The following FHIT variants were observed in gnomAD, a reference collection of about 807,000 sequenced individuals.
The protein encoded by FHIT is fragile histidine triad diadenosine triphosphatase.
In FHIT, 19 loss-of-function variants were observed where a neutral mutation model predicts 17.9. The ratio of observed to expected loss-of-function variants is 1.06; its 90% CI spans 0.74 to 1.56. The LOEUF (loss-of-function observed/expected upper bound fraction) is 1.56, where lower values mean the gene tolerates loss of function less well. Among genes scored for constraint, FHIT ranks in the 40% most tolerant of loss-of-function variants. The pLI is 0.00. For synonymous variants in FHIT, 81 were observed against 69.7 expected (o/e 1.16, Z -0.81); for missense variants, 248 against 189.2 (o/e 1.31, Z -1.82).
At chr3:60,797,800 T>A (rs1405953839) in intron 4 of FHIT, among the ~76,000 whole-genome samples, 1 of 151,738 alleles carries the variant, frequency 6.6e-6, no homozygotes, top group South Asian at 2.1e-4. Flanking sequence ...CCAGCTACAT[T>A]GAAATGTTTG....
At chr3:60,287,394 C>CCTGGCCTCAGGTGACCTG (rs1707775770) in intron 5 of FHIT, among the ~76,000 whole-genome samples, 1 of 152,168 alleles carries the variant, frequency 6.6e-6, no homozygotes, top group South Asian at 2.1e-4. Flanking sequence ...GTCTCAAACT[C>CCTGGCCTCAGGTGACCTG]CTGGCCTCAG....
chr3:59,873,416 C>A (rs899654650), intron 8 of FHIT, among the ~76,000 whole-genome samples: 3 of 152,214 alleles, frequency 2.0e-5, no homozygotes, highest in African/African-American at 7.2e-5. Flanking sequence ...CTTCCCTGCT[C>A]ATGAGCCTTG....
At chr3:61,213,555 T>TG (rs2039562113) in intron 1 of FHIT, among the ~76,000 whole-genome samples, 1 of 152,202 alleles carries the variant, frequency 6.6e-6, no homozygotes, top group Non-Finnish European at 1.5e-5. Context: ...ACAATAAGAA[T>TG]GGGAGACTTT....
At chr3:60,848,998 T>G (rs1703035022) in intron 3 of FHIT, among the ~76,000 whole-genome samples, 1 of 152,142 alleles carries the variant, frequency 6.6e-6, no homozygotes, top group Non-Finnish European at 1.5e-5. Flanking sequence ...GGATATAACA[T>G]TATGAGCCTC....
chr3:60,583,008 T>C (rs544047471), intron 4 of FHIT, among the ~76,000 whole-genome samples: 10 of 151,920 alleles, frequency 6.6e-5, no homozygotes, highest in Non-Finnish European at 1.0e-4. Flanking sequence ...GATACCGCTT[T>C]ACTGCTTGAG....
intron 4 of FHIT, among the ~76,000 whole-genome samples, chr3:60,817,523 T>C (rs77959835): frequency 6.7e-5 from 10 of 148,350 alleles, no homozygotes; most frequent in African/African-American, 2.5e-4. Context: ...AGTGTTTTGC[T>C]TTTTTTTTTA....
At chr3:60,950,171 T>C (rs1014789641) in intron 3 of FHIT, among the ~76,000 whole-genome samples, 1 of 152,218 alleles carries the variant, frequency 6.6e-6, no homozygotes, top group African/African-American at 2.4e-5. Flanking sequence ...GAGTATGAAA[T>C]TGTCTAATGA....
At chr3:60,683,861 T>A (rs919836237) in intron 4 of FHIT, among the ~76,000 whole-genome samples, 2 of 152,190 alleles carry the variant, frequency 1.3e-5, no homozygotes. Context: ...GGGTAATACA[T>A]CTGATCATCA....
chr3:61,220,362 G>T (rs1247524700), intron 1 of FHIT, among the ~76,000 whole-genome samples: 1 of 152,176 alleles, frequency 6.6e-6, no homozygotes, highest in African/African-American at 2.4e-5. Context: ...AATTATTTAA[G>T]AATCTGCATA....
At chr3:59,774,105 C>A (rs1702195858) in intron 8 of FHIT, among the ~76,000 whole-genome samples, 1 of 152,138 alleles carries the variant, frequency 6.6e-6, no homozygotes, top group Non-Finnish European at 1.5e-5. Context: ...GGCTGCCCTA[C>A]AGCGTGAGAT....
intron 5 of FHIT, among the ~76,000 whole-genome samples, chr3:60,210,745 A>G (rs1175000884): frequency 6.6e-6 from 1 of 152,130 alleles, no homozygotes; most frequent in Non-Finnish European, 1.5e-5. Flanking sequence ...GTTCAACAAT[A>G]TAGTATGTTG....
At chr3:60,043,338 G>A (rs550708864) in intron 5 of FHIT, among the ~76,000 whole-genome samples, 1 of 152,308 alleles carries the variant, frequency 6.6e-6, no homozygotes, top group East Asian at 1.9e-4. Context: ...CTTCTTGCCT[G>A]GTTGGAGATA....
chr3:59,872,427 C>T (rs990719449), intron 8 of FHIT, among the ~76,000 whole-genome samples: 1 of 152,086 alleles, frequency 6.6e-6, no homozygotes, highest in African/African-American at 2.4e-5. Context: ...TAAAACATGC[C>T]ACGTGCTCAT....
chr3:60,904,803 G>C (rs1263755618), intron 3 of FHIT, among the ~76,000 whole-genome samples: 1 of 151,812 alleles, frequency 6.6e-6, no homozygotes, highest in Non-Finnish European at 1.5e-5. Flanking sequence ...AGCCAGGCAC[G>C]GTGGCAGGCG....
intron 5 of FHIT, among the ~76,000 whole-genome samples, chr3:60,446,574 AAC>A (rs1240036335): frequency 1.3e-5 from 2 of 152,060 alleles, no homozygotes; most frequent in African/African-American, 2.4e-5. Context: ...GACTATCAAA[AAC>A]ACACACAGTG....
At position 60,992,017 on chromosome 3, in the gene FHIT, T is replaced by C. The variant is rs115615058; in HGVS notation, c.-111+50030A>G. On this transcript the variant is annotated intron_variant, in intron 3 of 9. Coordinates refer to ENST00000492590, the MANE Select transcript of FHIT (RefSeq NM_002012.4). ...AGGTAGAATCTAGACCAAAACAGAA[T>C]TCTGGAAAAACTGGAAATAATTCAG... Among the ~76,000 whole-genome samples, 777 of 152,150 alleles carry C rather than the reference T, an allele frequency of 5.1e-3. 8 individuals are homozygous for C. Among genetic ancestry groups the C allele is most frequent in the African/African-American group, 0.018 (748 of 41,502 alleles).
intron 1 of FHIT, among the ~76,000 whole-genome samples, chr3:61,210,131 T>C (rs2039409364): frequency 6.6e-6 from 1 of 152,174 alleles, no homozygotes; most frequent in African/African-American, 2.4e-5. Flanking sequence ...ACAGCGGATA[T>C]TGATGAACCG....
At chr3:59,898,352 A>G (rs1704167204) in intron 8 of FHIT, among the ~76,000 whole-genome samples, 1 of 152,100 alleles carries the variant, frequency 6.6e-6, no homozygotes, top group Non-Finnish European at 1.5e-5. Context: ...TTCTAGGCCC[A>G]AGCATTTCAG....
intron 5 of FHIT, among the ~76,000 whole-genome samples, chr3:60,430,940 G>A (rs551189980): frequency 1.6e-4 from 25 of 152,084 alleles, no homozygotes; most frequent in South Asian, 4.2e-4. Flanking sequence ...GGCCAGGTGC[G>A]GTGGCTCACA....
Sources: allele counts gnomAD v4.1 joint callset (sites outside exome capture counted in the v4.1 genomes callset), GRCh38; gene constraint gnomAD v4.1.1; transcripts MANE v1.5; gene names NCBI Gene and HGNC (gene_info 2026-07-23, HGNC 2026-07-21).